The following LYN variants were observed in gnomAD, a reference collection of about 807,000 sequenced individuals.
The protein encoded by LYN is LYN proto-oncogene, Src family tyrosine kinase.
A neutral mutation model predicts 65.0 loss-of-function variants in LYN; 12 were observed. The ratio of observed to expected loss-of-function variants is 0.18; its 90% CI spans 0.12 to 0.30. The LOEUF (loss-of-function observed/expected upper bound fraction) is 0.30, where lower values mean the gene tolerates loss of function less well. Ranked by LOEUF, LYN falls within the 10% of genes least tolerant of loss-of-function variation. The pLI is 1.00. For synonymous variants in LYN, 222 were observed against 221.2 expected, an observed-to-expected ratio of 1.00 and a Z score of -0.03; for missense variants, 380 against 623.2, an observed-to-expected ratio of 0.61 and a Z score of 4.16.
At chr8:55,886,592 T>G (rs1047480219) in intron 1 of LYN, among the ~76,000 whole-genome samples, 1 of 152,202 alleles carries the variant, frequency 6.6e-6, no homozygotes. Context: ...ACATTTTACC[T>G]TGTGCTCAAA....
At chr8:55,908,468 C>T (rs1380600167) in intron 1 of LYN, among the ~76,000 whole-genome samples, 2 of 152,078 alleles carry the variant, frequency 1.3e-5, no homozygotes, top group Non-Finnish European at 2.9e-5. Context: ...TGGTCTCGAA[C>T]TCCTAATCTC....
intron 10 of LYN, among the ~76,000 whole-genome samples, chr8:55,986,080 G>A (rs910296053): frequency 6.6e-6 from 1 of 151,922 alleles, no homozygotes; most frequent in African/African-American, 2.4e-5. Context: ...GAGGTAGGAG[G>A]ATTGCTTAAG....
At chr8:55,963,095 T>C (rs1836900319) in intron 8 of LYN, among the ~76,000 whole-genome samples, 1 of 152,062 alleles carries the variant, frequency 6.6e-6, no homozygotes, top group African/African-American at 2.4e-5. Context: ...AATTTCAACA[T>C]GAGATTTGGA....
chr8:55,897,347 C>A (rs1805144024), intron 1 of LYN, among the ~76,000 whole-genome samples: 1 of 152,098 alleles, frequency 6.6e-6, no homozygotes, highest in South Asian at 2.1e-4. Flanking sequence ...TAATAATAAG[C>A]TACATGCTTC....
intron 5 of LYN, 54 bp from the exon 6 acceptor site, chr8:55,950,627 C>T (rs1806914555): frequency 6.4e-7 from 1 of 1,573,962 alleles, no homozygotes; most frequent in African/African-American, 1.3e-5. Context: ...ATATTCTTCA[C>T]CTTTTTCTTG....
At chr8:55,943,529 T>C (rs1382329560) in intron 2 of LYN, among the ~76,000 whole-genome samples, 2 of 149,778 alleles carry the variant, frequency 1.3e-5, no homozygotes, top group Non-Finnish European at 3.0e-5. Context: ...TGAGCCGAGA[T>C]TGCGCTACTG....
chr8:55,991,935 A>G (rs1481166077), intron 10 of LYN, among the ~76,000 whole-genome samples: 1 of 152,264 alleles, frequency 6.6e-6, no homozygotes, highest in Non-Finnish European at 1.5e-5. Context: ...GCATCAGCAC[A>G]TCTCAGCTTA....
chr8:55,919,137 G>A (rs754508092), intron 1 of LYN, among the ~76,000 whole-genome samples: 9 of 151,996 alleles, frequency 5.9e-5, no homozygotes, highest in Non-Finnish European at 1.0e-4. Context: ...GAAATAATAG[G>A]GGAGAAAGAG....
At chr8:55,949,228 C>T (rs1806869625) in intron 4 of LYN, among the ~76,000 whole-genome samples, 1 of 152,166 alleles carries the variant, frequency 6.6e-6, no homozygotes, top group Non-Finnish European at 1.5e-5. Flanking sequence ...GACCAGTATT[C>T]CCTTGACTCT....
rs532999958 is a variant in LYN at position 55,880,022 on chromosome 8, G to C, written c.-87G>C. 3.2e-6 allele frequency: 1 copy of C among 315,456 alleles called. No homozygotes were observed. Among genetic ancestry groups the C allele is most frequent in the South Asian group, 2.3e-5 (1 of 43,388 alleles). The allele number at this position is 315,456 out of a possible 1,614,324, so 19.5% of individuals were successfully genotyped here. A position where few individuals can be genotyped will look rare whatever the true frequency, so the allele number is the denominator to read the frequency against. On this transcript the variant is annotated 5_prime_UTR_variant, in exon 1 of 13. Coordinates refer to ENST00000519728, the MANE Select transcript of LYN (RefSeq NM_002350.4). ...AGCAGCCTCCCCATACGCAGGTCCT[G>C]CTGGGCCGCCCCGTCGCGCCCCCCA... is the stretch of plus-strand genomic sequence containing the variant.
chr8:55,996,315 C>T (rs1357098481), intron 10 of LYN, among the ~76,000 whole-genome samples: 1 of 152,156 alleles, frequency 6.6e-6, no homozygotes, highest in Non-Finnish European at 1.5e-5. Flanking sequence ...TACCAAGGAG[C>T]TAATCTTTTG....
chr8:55,937,330 G>A (rs971635390), intron 1 of LYN, among the ~76,000 whole-genome samples: 2 of 152,168 alleles, frequency 1.3e-5, no homozygotes, highest in East Asian at 1.9e-4. Context: ...GGCAAAAACC[G>A]CAATTACTTT....
chr8:55,968,282 G>A (rs751490724), intron 9 of LYN, among the ~76,000 whole-genome samples: 6 of 151,996 alleles, frequency 3.9e-5, no homozygotes, highest in African/African-American at 7.3e-5. Flanking sequence ...TTGAGACAGA[G>A]TCTCACTCTA....
intron 8 of LYN, among the ~76,000 whole-genome samples, chr8:55,960,168 T>C (rs1807233445): frequency 6.6e-6 from 1 of 152,216 alleles, no homozygotes; most frequent in Admixed American, 6.5e-5. Flanking sequence ...ACATGGTATA[T>C]GAATTATATT....
chr8:55,990,648 G>A (rs1287660298), intron 10 of LYN, among the ~76,000 whole-genome samples: 2 of 152,136 alleles, frequency 1.3e-5, no homozygotes, highest in African/African-American at 4.8e-5. Flanking sequence ...GTTGGAATTT[G>A]GTATCTTATT....
intron 1 of LYN, among the ~76,000 whole-genome samples, chr8:55,935,219 C>A (rs1285580953): frequency 6.6e-6 from 1 of 151,044 alleles, no homozygotes; most frequent in Non-Finnish European, 1.5e-5. Context: ...AGAAAAAAAA[C>A]AAAAACAAAA....
intron 1 of LYN, among the ~76,000 whole-genome samples, chr8:55,924,918 T>C (rs1388393119): frequency 6.6e-6 from 1 of 152,058 alleles, no homozygotes; most frequent in Non-Finnish European, 1.5e-5. Context: ...CGTGGCTCAC[T>C]GCAGCCTCCG....
At chr8:55,905,711 G>A (rs1167739675) in intron 1 of LYN, among the ~76,000 whole-genome samples, 1 of 152,104 alleles carries the variant, frequency 6.6e-6, no homozygotes, top group East Asian at 1.9e-4. Flanking sequence ...AGGGGAGCAG[G>A]GAGAGCCTCA....
intron 10 of LYN, among the ~76,000 whole-genome samples, chr8:55,984,074 G>C (rs905739608): frequency 6.6e-6 from 1 of 151,984 alleles, no homozygotes; most frequent in Non-Finnish European, 1.5e-5. Context: ...TCTGTCTTCC[G>C]GTGGCCTCTG....
Sources: gnomAD v4.1 joint callset for allele counts (sites outside exome capture counted in the v4.1 genomes callset) on GRCh38, gnomAD v4.1.1 for gene constraint, MANE v1.5 for transcripts, NCBI Gene and HGNC (gene_info 2026-07-23, HGNC 2026-07-21) for gene names.